FNDC3B: variants seen among roughly 807,000 people sequenced by gnomAD.
FNDC3B encodes the protein fibronectin type III domain containing 3B.
A neutral mutation model predicts 151.5 loss-of-function variants in FNDC3B; 12 were observed. The observed-to-expected ratio is 0.08, with a 90% CI of 0.05 to 0.13. The LOEUF is 0.13. Among genes scored for constraint, FNDC3B ranks in the 10% least tolerant of loss-of-function variants. The probability of loss-of-function intolerance (pLI) is 1.00; values close to 1 mark genes in which losing one functional copy is unlikely to be tolerated. For missense variants in FNDC3B, 1,214 were observed against 1,505.3 expected (o/e 0.81, Z 3.20); for synonymous variants, 528 against 549.0 (o/e 0.96, Z 0.54).
intron 1 of FNDC3B, among the ~76,000 whole-genome samples, chr3:172,058,849 T>C (rs1298407108): frequency 2.0e-5 from 3 of 152,230 alleles, no homozygotes. Flanking sequence ...ACTGTACATA[T>C]AGAGCTTCTT....
chr3:172,170,704 T>C (rs975231710), intron 3 of FNDC3B, among the ~76,000 whole-genome samples: 3 of 152,180 alleles, frequency 2.0e-5, no homozygotes. Flanking sequence ...TCGACTCCTT[T>C]TGCGTGGTTG....
chr3:172,062,356 G>A (rs1341281864), intron 1 of FNDC3B, among the ~76,000 whole-genome samples: 2 of 150,384 alleles, frequency 1.3e-5, no homozygotes, highest in Non-Finnish European at 3.0e-5. Flanking sequence ...CCGTCACCCA[G>A]GCTGGAGTGC....
At chr3:172,308,196 G>GA (rs1731289372) in intron 10 of FNDC3B, among the ~76,000 whole-genome samples, 1 of 151,976 alleles carries the variant, frequency 6.6e-6, no homozygotes, top group African/African-American at 2.4e-5. Context: ...AATTATTTAA[G>GA]AAAAAAAGAC....
chr3:172,164,591 G>C (rs901101386), intron 3 of FNDC3B, among the ~76,000 whole-genome samples: 5 of 152,148 alleles, frequency 3.3e-5, no homozygotes, highest in Non-Finnish European at 1.5e-5. Context: ...AATTTAATGA[G>C]AACAAATAAG....
At chr3:172,167,882 C>T (rs2108629193) in intron 3 of FNDC3B, among the ~76,000 whole-genome samples, 1 of 152,258 alleles carries the variant, frequency 6.6e-6, no homozygotes, top group Non-Finnish European at 1.5e-5. Context: ...ATCCCAAAGC[C>T]CTGCCACCGC....
intron 17 of FNDC3B, 25 bp from the exon 18 acceptor site, chr3:172,342,986 G>C (rs757776474): frequency 7.2e-7 from 1 of 1,382,384 alleles, no homozygotes; most frequent in Non-Finnish European, 1.0e-6. Flanking sequence ...CTAAGAGATG[G>C]TTCTCTCTGG....
intron 3 of FNDC3B, among the ~76,000 whole-genome samples, chr3:172,176,292 A>G (rs1723590136): frequency 6.6e-6 from 1 of 152,222 alleles, no homozygotes; most frequent in Admixed American, 6.5e-5. Flanking sequence ...AAAGAAGTGG[A>G]GCTAAGAGAG....
At chr3:172,216,749 A>T (rs1336074308) in intron 3 of FNDC3B, among the ~76,000 whole-genome samples, 3 of 152,176 alleles carry the variant, frequency 2.0e-5, no homozygotes, top group Admixed American at 6.5e-5. Context: ...TTATGTTTCA[A>T]ACTGGGGCAA....
At chr3:172,072,714 G>A (rs2108488660) in intron 1 of FNDC3B, among the ~76,000 whole-genome samples, 1 of 152,288 alleles carries the variant, frequency 6.6e-6, no homozygotes, top group African/African-American at 2.4e-5. Flanking sequence ...AATGGACTTT[G>A]TGGGCCAAAA....
chr3:172,197,301 C>CT (rs1724888636), intron 3 of FNDC3B, among the ~76,000 whole-genome samples: 1 of 152,176 alleles, frequency 6.6e-6, no homozygotes, highest in Admixed American at 6.5e-5. Context: ...CACTTGTTAG[C>CT]TAACCCCAAC....
intron 20 of FNDC3B, 67 bp from the exon 21 acceptor site, chr3:172,347,145 G>C: frequency 2.1e-6 from 3 of 1,402,942 alleles, no homozygotes; most frequent in Non-Finnish European, 2.9e-6. Flanking sequence ...TTAGTTAATT[G>C]AATACAAGCA....
intron 25 of FNDC3B, 45 bp downstream of exon 25, chr3:172,381,138 G>A (rs761552595): frequency 2.5e-6 from 4 of 1,606,098 alleles, no homozygotes; most frequent in Non-Finnish European, 3.4e-6. Context: ...AGTATGGCTG[G>A]CTCCATGCCT....
chr3:172,286,823 A>G (rs1439126987), intron 7 of FNDC3B, among the ~76,000 whole-genome samples: 1 of 152,136 alleles, frequency 6.6e-6, no homozygotes, highest in African/African-American at 2.4e-5. Flanking sequence ...TCAGGGCTGC[A>G]TTTTCAGAAT....
intron 5 of FNDC3B, among the ~76,000 whole-genome samples, chr3:172,249,154 G>T (rs1398118336): frequency 1.3e-5 from 2 of 152,022 alleles, no homozygotes; most frequent in Non-Finnish European, 2.9e-5. Flanking sequence ...TTAAATAATT[G>T]AGTGTTTCTT....
intron 25 of FNDC3B, among the ~76,000 whole-genome samples, chr3:172,386,203 T>C (rs1735697601): frequency 6.6e-6 from 1 of 152,180 alleles, no homozygotes. Context: ...AGAATGAAAA[T>C]TGTGTCTATA....
intron 25 of FNDC3B, among the ~76,000 whole-genome samples, chr3:172,381,383 A>G (rs1735427708): frequency 1.3e-5 from 2 of 152,202 alleles, no homozygotes; most frequent in African/African-American, 4.8e-5. Context: ...TGCAAGCATC[A>G]AAGTCAGTAT....
chr3:172,291,205 A>G (rs1029860146), intron 7 of FNDC3B, among the ~76,000 whole-genome samples: 2 of 152,330 alleles, frequency 1.3e-5, no homozygotes, highest in African/African-American at 4.8e-5. Context: ...GCGGTTTTAT[A>G]ATTTCCTTAT....
chr3:172,201,424 G>A (rs4639001), intron 3 of FNDC3B, among the ~76,000 whole-genome samples: 62,355 of 151,958 alleles, frequency 0.41, 13,748 homozygotes, highest in Middle Eastern at 0.49. Flanking sequence ...ATATGCGTGC[G>A]TACGTGCGGT....
At chr3:172,224,482 AC>A (rs1215214365) in intron 3 of FNDC3B, among the ~76,000 whole-genome samples, 1 of 152,212 alleles carries the variant, frequency 6.6e-6, no homozygotes, top group Non-Finnish European at 1.5e-5. Context: ...TTTGGATTGA[AC>A]GGTTGGCATT....
Sources: allele counts gnomAD v4.1 joint callset (sites outside exome capture counted in the v4.1 genomes callset), GRCh38; gene constraint gnomAD v4.1.1; transcripts MANE v1.5; gene names NCBI Gene and HGNC (gene_info 2026-07-23, HGNC 2026-07-21).